The following PCBP2 variants were observed in gnomAD, a reference collection of about 807,000 sequenced individuals.
PCBP2 encodes the protein poly(rC)-binding protein 2.
PCBP2 carries 4 observed loss-of-function variants against 50.1 expected under a neutral mutation model. That is an observed-to-expected ratio of 0.08 (90% CI 0.04 to 0.18). PCBP2 has a LOEUF of 0.18. Among genes scored for constraint, PCBP2 ranks in the 10% least tolerant of loss-of-function variants. PCBP2 has a pLI of 1.00. For synonymous variants in PCBP2, 179 were observed against 168.0 expected, an observed-to-expected ratio of 1.07 and a Z score of -0.51; for missense variants, 161 against 474.3, an observed-to-expected ratio of 0.34 and a Z score of 6.14.
At chr12:53,454,919 C>A in intron 2 of PCBP2, 50 bp downstream of exon 2, 3 of 1,454,900 alleles carry the variant, frequency 2.1e-6, no homozygotes, top group South Asian at 2.3e-5. Context: ...AGGGGAGGGG[C>A]CAGGAAGAGC....
intron 1 of PCBP2, chr12:53,453,132 ATTACTTGGT>A (rs1940706306): frequency 6.6e-6 from 1 of 151,270 alleles, no homozygotes; most frequent in Non-Finnish European, 1.5e-5. Context: ...AATTTCTTGG[ATTACTTGGT>A]TTGGAGTTAG....
At position 53,479,701 on chromosome 12, in the gene PCBP2, G is replaced by C. The variant is rs1284069697; in HGVS notation, c.*259G>C. 6.7e-6 allele frequency: 1 copy of C among 150,046 alleles called. No homozygotes were observed. Among genetic ancestry groups the C allele is most frequent in the Admixed American group, 1.3e-4 (1 of 7,546 alleles). The allele number at this position is 150,046 out of a possible 1,614,324, so 9.3% of individuals were successfully genotyped here. A position where few individuals can be genotyped will look rare whatever the true frequency, so the allele number is the denominator to read the frequency against. ...TTTTTTTTGGCTCATGAATTTTTCT[G>C]TTTGTCATGGAAATGTAAGAGTGGA... On this transcript the variant is annotated 3_prime_UTR_variant, in exon 15 of 15. Coordinates refer to ENST00000546463, the MANE Select transcript of PCBP2 (RefSeq NM_031989.5).
chr12:53,458,399 G>A (rs1293620690), intron 5 of PCBP2, among the ~76,000 whole-genome samples: 1 of 151,756 alleles, frequency 6.6e-6, no homozygotes. Context: ...TCTTCCTCCC[G>A]GATTCAAGCG....
chr12:53,465,086 C>T (rs1941722586), intron 9 of PCBP2: 2 of 385,266 alleles, frequency 5.2e-6, no homozygotes, highest in African/African-American at 2.1e-5. Flanking sequence ...CCCCTCTTCC[C>T]CTCTCCCACT....
chr12:53,461,612 A>T (rs1022481018), intron 7 of PCBP2, among the ~76,000 whole-genome samples: 1 of 152,214 alleles, frequency 6.6e-6, no homozygotes, highest in Non-Finnish European at 1.5e-5. Context: ...CTGATTATAC[A>T]CTATTATTCT....
At chr12:53,471,891 A>T in intron 14 of PCBP2, 84 bp downstream of exon 14, 4 of 1,012,902 alleles carry the variant, frequency 3.9e-6, no homozygotes, top group South Asian at 1.8e-5. Context: ...TAAATATGGG[A>T]TTACATGGGC....
At chr12:53,470,562 C>T (rs1430352531) in intron 13 of PCBP2, among the ~76,000 whole-genome samples, 1 of 151,590 alleles carries the variant, frequency 6.6e-6, no homozygotes. Context: ...ATGCCACTAT[C>T]CCTGGCTAAC....
chr12:53,465,830 A>G, intron 9 of PCBP2, 102 bp from the exon 10 acceptor site: 5 of 860,352 alleles, frequency 5.8e-6, no homozygotes, highest in Non-Finnish European at 9.8e-6. Flanking sequence ...CCCATTCTCT[A>G]GTTCAACTCT....
At chr12:53,458,286 C>CTTTTGT (rs1324371011) in intron 5 of PCBP2, among the ~76,000 whole-genome samples, 325 of 143,732 alleles carry the variant, frequency 2.3e-3, no homozygotes, top group Non-Finnish European at 2.9e-3. Context: ...TGTTTTATAT[C>CTTTTGT]TTTCGTTTTT....
At position 53,476,893 on chromosome 12, in the gene PCBP2, T is replaced by TC. The variant is rs552973781; in HGVS notation, c.1053-2512dup. On this transcript the variant is annotated intron_variant, in intron 14 of 14. Transcript: ENST00000546463. ...TTAGGACTTAATCATGCTGATACCA[T>TC]CTCCCCCCAGGGATGTGGTTTTATC... 3.9e-3 allele frequency among the ~76,000 whole-genome samples: 598 copies of TC among 152,248 alleles called. 3 individuals carry two copies. Among genetic ancestry groups the TC allele is most frequent in the African/African-American group, 0.014 (573 of 41,538 alleles).
chr12:53,462,303 A>G (rs1349138630), intron 7 of PCBP2, among the ~76,000 whole-genome samples, 190 bp from the exon 8 acceptor site: 1 of 152,216 alleles, frequency 6.6e-6, no homozygotes, highest in Non-Finnish European at 1.5e-5. Flanking sequence ...TAGTCCTTGG[A>G]CTTACTGCAT....
chr12:53,464,188 C>T lies in PCBP2; in HGVS notation c.580-572C>T, dbSNP rs1343461674. On this transcript the variant is annotated intron_variant, in intron 8 of 14. Coordinates refer to ENST00000546463, the MANE Select transcript of PCBP2 (RefSeq NM_031989.5). Reference sequence around the variant, plus strand: ...TGCTCTTCTGGATTCTCCCACTCCCCCTTTGGAATAGAGTCCCATACTGGG... The same window carrying T: ...TGCTCTTCTGGATTCTCCCACTCCCTCTTTGGAATAGAGTCCCATACTGGG... Among the ~76,000 whole-genome samples the T allele has an allele frequency of 3.3e-5, 5 of 152,252 alleles. No individual in the cohort carries two copies. The South Asian group carries it at 1.0e-3, about 32-fold the overall frequency.
At chr12:53,469,982 G>A (rs1285373023) in intron 13 of PCBP2, among the ~76,000 whole-genome samples, 6 of 151,702 alleles carry the variant, frequency 4.0e-5, no homozygotes, top group Middle Eastern at 3.2e-3. Flanking sequence ...CTGACCTTAC[G>A]TGATCCCCCC....
intron 12 of PCBP2, 143 bp from the exon 13 acceptor site, chr12:53,468,618 CCCCACTCTTTCCTCTT>C: frequency 1.6e-6 from 1 of 641,624 alleles, no homozygotes; most frequent in Non-Finnish European, 2.8e-6. Context: ...CACCCTTCTC[CCCCACTCTTTCCTCTT>C]TGGAGGCTTC....
chr12:53,455,838 C>G (rs1006308455), intron 4 of PCBP2, 47 bp from the exon 5 acceptor site: 4 of 1,261,800 alleles, frequency 3.2e-6, no homozygotes, highest in South Asian at 1.2e-5. Flanking sequence ...TGTACATACT[C>G]AGATCTTCTT....
In PCBP2 at chr12:53,454,711, A is replaced by G. The variant is rs542029146; in HGVS notation, c.-75-15A>G. 9 of 923,894 alleles carry G rather than the reference A, an allele frequency of 9.7e-6. No homozygotes were observed. Among genetic ancestry groups the G allele is most frequent in the Admixed American group, 7.5e-5 (4 of 53,226 alleles). The allele number at this position is 923,894 out of a possible 1,614,324, so 57.2% of individuals were successfully genotyped here. On this transcript the variant is annotated splice_polypyrimidine_tract_variant and intron_variant, in intron 1 of 14. Transcript: ENST00000546463. ...TTGTTTTCCTCCTCTGATTTTGGTC[A>G]TGTTTGCATTTTAGTTTTTGGCTTT...
intron 10 of PCBP2, among the ~76,000 whole-genome samples, chr12:53,466,912 A>T (rs546095213): frequency 6.6e-6 from 1 of 152,244 alleles, no homozygotes; most frequent in Admixed American, 6.5e-5. Flanking sequence ...CAACTGTTGC[A>T]ATGGCTGCAA....
intron 13 of PCBP2, among the ~76,000 whole-genome samples, chr12:53,471,388 G>T (rs1309168310): frequency 6.6e-6 from 1 of 151,890 alleles, no homozygotes. Flanking sequence ...GACCATCCTG[G>T]CCAACATGGT....
At chr12:53,468,655 A>C in intron 12 of PCBP2, 122 bp from the exon 13 acceptor site, 1 of 765,702 alleles carries the variant, frequency 1.3e-6, no homozygotes, top group Non-Finnish European at 2.3e-6. Context: ...CAAGTTAGTG[A>C]TGAATCCCAA....
Sources: allele counts gnomAD v4.1 joint callset (sites outside exome capture counted in the v4.1 genomes callset), GRCh38; gene constraint gnomAD v4.1.1; transcripts MANE v1.5; gene names NCBI Gene and HGNC (gene_info 2026-07-23, HGNC 2026-07-21).